The following EIF3G variants were observed in gnomAD, a reference collection of about 807,000 sequenced individuals.
EIF3G encodes eukaryotic translation initiation factor 3 RNA-binding subunit.
A neutral mutation model predicts 41.7 loss-of-function variants in EIF3G; 10 were observed. The ratio of observed to expected loss-of-function variants is 0.24; its 90% CI spans 0.15 to 0.41. The LOEUF (loss-of-function observed/expected upper bound fraction) is 0.41, where lower values mean the gene tolerates loss of function less well. EIF3G is among the 10% of genes least tolerant of loss of function. The pLI is 1.00. For missense variants in EIF3G, 297 were observed against 444.0 expected, an observed-to-expected ratio of 0.67 and a Z score of 2.98; for synonymous variants, 204 against 172.5, an observed-to-expected ratio of 1.18 and a Z score of -1.43.
rs375499220 is a variant in EIF3G, at chr19:10,115,964, C to T, written c.703+3G>A. Reference sequence around the variant, plus strand: ...ACCAGCCTGGCGTCGGGGTGCCCCTCACCTCTGCGGTTGGGCTGCATGGAC... The same window carrying T: ...ACCAGCCTGGCGTCGGGGTGCCCCTTACCTCTGCGGTTGGGCTGCATGGAC... On this transcript the variant is annotated splice_donor_region_variant and intron_variant, in intron 8 of 10. Coordinates refer to ENST00000253108, the MANE Select transcript of EIF3G (RefSeq NM_003755.5). 2.1e-5 allele frequency: 34 copies of T among 1,612,806 alleles called. No homozygotes were observed. Among genetic ancestry groups the T allele is most frequent in the Admixed American group, 1.7e-5 (1 of 59,940 alleles).
chr19:10,118,263 T>C (rs1663487178), intron 5 of EIF3G: 1 of 210,296 alleles, frequency 4.8e-6, no homozygotes, highest in Non-Finnish European at 9.7e-6. Context: ...TTCAACAAAA[T>C]AGGTACAAAG....
At position 10,118,854 on chromosome 19, in the gene EIF3G, C is replaced by G. The variant is rs772032611; in HGVS notation, c.240+14G>C. On this transcript the variant is annotated intron_variant, in intron 4 of 10. Coordinates refer to ENST00000253108, the MANE Select transcript of EIF3G (RefSeq NM_003755.5). ...AGCACAAGGGTCCCCACTCCCTGCA[C>G]CCCCCACCCTCACCTTGAACTTCTT... 6.2e-7 allele frequency: 1 copy of G among 1,612,006 alleles called. No homozygotes were observed. Among genetic ancestry groups the G allele is most frequent in the African/African-American group, 1.3e-5 (1 of 74,820 alleles).
At chr19:10,119,568 CG>C in intron 2 of EIF3G, 85 bp downstream of exon 2, 1 of 1,473,136 alleles carries the variant, frequency 6.8e-7, no homozygotes, top group Non-Finnish European at 9.2e-7. Context: ...ACGGGGTACA[CG>C]GTGCCAGACT....
At position 10,119,871 on chromosome 19, in the gene EIF3G, T is replaced by A. The variant is rs1385247694; in HGVS notation, c.-12A>T. On this transcript the variant is annotated 5_prime_UTR_variant, in exon 1 of 11. Transcript: ENST00000253108. ...TCTCCAGTAGGCATCGCAAAAAGTA[T>A]TCTCCACGCAGCCCAAGCCCGGCCA... is the stretch of plus-strand genomic sequence containing the variant. The A allele has an allele frequency of 6.2e-7, 1 of 1,614,124 alleles. No individual in the cohort carries two copies. The highest frequency in any genetic ancestry group is 8.5e-7 in the Non-Finnish European group (1 of 1,180,024).
intron 5 of EIF3G, 88 bp from the exon 6 acceptor site, chr19:10,117,276 C>G (rs368227745): frequency 6.4e-6 from 6 of 941,434 alleles, no homozygotes; most frequent in Non-Finnish European, 9.7e-6. Context: ...ACAGCCACCC[C>G]CAGAGTGTCT....
Position 10,115,984 on chromosome 19 carries a change from A to G in EIF3G, c.686T>C (p.Met229Thr). Residue 229 changes from methionine (M) to threonine (T), a missense_variant, in exon 8 of 11, where the codon ATG becomes ACG. Physicochemically the swap from Met to Thr is moderately conservative, Grantham distance 81. Transcript: ENST00000253108. ...CCCCTCACCTCTGCGGTTGGGCTGC[A>G]TGGACTCCCCGCGGCGGCTGGCCCC... ...RDGASRRGES[M>T]QPNRRADDNA... is the part of the protein sequence containing the mutation. 1.2e-6 allele frequency: 2 copies of G among 1,613,498 alleles called. No homozygotes were observed. Among genetic ancestry groups the G allele is most frequent in the Non-Finnish European group, 1.7e-6 (2 of 1,179,780 alleles).
chr19:10,115,224 C>G (rs76502628), intron 10 of EIF3G, 95 bp from the exon 11 acceptor site: 1 of 1,499,176 alleles, frequency 6.7e-7, no homozygotes, highest in African/African-American at 1.4e-5. Flanking sequence ...GGGCAGAGGA[C>G]GGGGTAATGT....
chr19:10,119,448 G>T, intron 2 of EIF3G: 1 of 765,192 alleles, frequency 1.3e-6, no homozygotes, highest in Non-Finnish European at 2.3e-6. Flanking sequence ...CCCTGGAGGG[G>T]AACAGCTGGG....
rs1376840457 is a variant in EIF3G, at chr19:10,116,515, T to G, written c.595+285A>C. The G allele has an allele frequency of 3.9e-6, 2 of 510,346 alleles. No individual in the cohort carries two copies. The highest frequency in any genetic ancestry group is 7.0e-6 in the Non-Finnish European group (2 of 284,890). The allele number at this position is 510,346 out of a possible 1,614,324, so 31.6% of individuals were successfully genotyped here. On this transcript the variant is annotated intron_variant, in intron 7 of 10. Coordinates refer to ENST00000253108, the MANE Select transcript of EIF3G (RefSeq NM_003755.5). The surrounding 1 kb of genome is among the most constrained non-coding windows in gnomAD (Gnocchi z 4.1). ...TGCAACGGAGACACTATACACACAGTGCGCACACACGATGTGGGGTGGTCA... is the reference window on the plus strand; with the variant it reads ...TGCAACGGAGACACTATACACACAGGGCGCACACACGATGTGGGGTGGTCA...
chr19:10,115,608 C>T (rs751933547), intron 9 of EIF3G, 23 bp from the exon 10 acceptor site: 16 of 1,610,090 alleles, frequency 9.9e-6, no homozygotes, highest in East Asian at 2.2e-5. Context: ...GGGATGGGGT[C>T]GGGCACGAGC....
At chr19:10,115,230 A>G (rs2089220514) in intron 10 of EIF3G, 101 bp from the exon 11 acceptor site, 13 of 1,471,244 alleles carry the variant, frequency 8.8e-6, no homozygotes, top group Non-Finnish European at 1.2e-5. Context: ...AGGACGGGGT[A>G]ATGTGAGGAC....
At chr19:10,117,385 A>C in intron 5 of EIF3G, 197 bp from the exon 6 acceptor site, 1 of 558,550 alleles carries the variant, frequency 1.8e-6, no homozygotes, top group Non-Finnish European at 3.2e-6. Context: ...TCCAGGAGGC[A>C]GGGCAGCTGT....
chr19:10,117,001 G>A lies in EIF3G; in HGVS notation c.406-12C>T, dbSNP rs566842898. 25 of 1,605,162 alleles carry A rather than the reference G, an allele frequency of 1.6e-5. No homozygotes were observed. Among genetic ancestry groups the A allele is most frequent in the South Asian group, 7.8e-5 (7 of 90,202 alleles). ...TGGCAGTTCAGGTCCTGGCAGGGGC[G>A]GGTTGGGGGGAGCTCAGAGGCGGCT... On this transcript the variant is annotated splice_polypyrimidine_tract_variant and intron_variant, in intron 6 of 10. Coordinates refer to ENST00000253108, the MANE Select transcript of EIF3G (RefSeq NM_003755.5).
In EIF3G at chr19:10,119,180, G is replaced by A. The variant is rs1055923365; in HGVS notation, c.68-9C>T. 2 of 1,568,640 alleles carry A rather than the reference G, an allele frequency of 1.3e-6. No individual in the cohort carries two copies. The highest frequency in any genetic ancestry group is 1.4e-5 in the African/African-American group (1 of 73,834). Reference sequence around the variant, plus strand: ...GCTGGTGACACATTTGTCTGCAAAAGGCAGCGTAGGAAGGAGGAGTCAGCT... The same window carrying A: ...GCTGGTGACACATTTGTCTGCAAAAAGCAGCGTAGGAAGGAGGAGTCAGCT... On this transcript the variant is annotated splice_polypyrimidine_tract_variant and intron_variant, in intron 2 of 10. Transcript: ENST00000253108.
chr19:10,115,924 G>A (rs766352700), intron 8 of EIF3G, 43 bp downstream of exon 8: 83 of 1,606,994 alleles, frequency 5.2e-5, no homozygotes, highest in Admixed American at 2.0e-4. Context: ...ACGAGGTGCC[G>A]GGAGGTGCCC....
In EIF3G at chr19:10,117,190, T is replaced by C. The variant is rs1304715700; in HGVS notation, c.301-2A>G. The C allele has an allele frequency of 6.2e-7, 1 of 1,600,898 alleles. No individual in the cohort carries two copies. On this transcript the variant is annotated splice_acceptor_variant, in intron 5 of 10. Coordinates refer to ENST00000253108, the MANE Select transcript of EIF3G (RefSeq NM_003755.5). LOFTEE classifies it high-confidence loss of function. ...TGAGTTCCCGAACTTCTTCCAGTTC[T>C]GGGCTCAGGGAGGGATGGGGGACAG... is the stretch of plus-strand genomic sequence containing the variant.
rs551659572 is a variant in EIF3G at position 10,116,679 on chromosome 19, C to T, written c.595+121G>A. On this transcript the variant is annotated intron_variant, in intron 7 of 10. Transcript: ENST00000253108. The surrounding 1 kb of genome is among the most constrained non-coding windows in gnomAD (Gnocchi z 4.1). ...GTACAGCCAATTAGGAAGGCACAGA[C>T]GCCCCGAGGAGAGTCTGGCACCATC... The T allele has an allele frequency of 3.2e-5, 33 of 1,018,726 alleles. No homozygotes were observed. Among genetic ancestry groups the T allele is most frequent in the African/African-American group, 2.2e-4 (14 of 62,464 alleles). 63.1% of individuals were successfully genotyped at this position (1,018,726 alleles called of 1,614,324 possible). A position where few individuals can be genotyped will look rare whatever the true frequency, so the allele number is the denominator to read the frequency against.
chr19:10,117,033 C>A (rs1178368498), intron 6 of EIF3G, 44 bp from the exon 7 acceptor site: 2 of 1,602,710 alleles, frequency 1.2e-6, no homozygotes, highest in Non-Finnish European at 1.7e-6. Flanking sequence ...GGCTAAGGCA[C>A]CCCCTTTGCC....
In EIF3G at chr19:10,115,019, A is replaced by G. The variant is rs999358464; in HGVS notation, c.*95T>C. On this transcript the variant is annotated 3_prime_UTR_variant, in exon 11 of 11. Transcript: ENST00000253108. Reference sequence around the variant, plus strand: ...CAAGAACAAAAAGAACCAAGTAGAGAGAGTGGAGCTGCTTTATTGCCCTTG... The same window carrying G: ...CAAGAACAAAAAGAACCAAGTAGAGGGAGTGGAGCTGCTTTATTGCCCTTG... 1.9e-5 allele frequency: 29 copies of G among 1,565,392 alleles called. No individual in the cohort carries two copies. Among genetic ancestry groups the G allele is most frequent in the African/African-American group, 2.7e-5 (2 of 73,494 alleles).
Sources: gnomAD v4.1 joint callset for allele counts on GRCh38, gnomAD v4.1.1 for gene constraint, Gnocchi (gnomAD v3.1) non-coding constraint, MANE v1.5 for transcripts, NCBI Gene and HGNC (gene_info 2026-07-23, HGNC 2026-07-21) for gene names.